The following LIG3 variants were observed in gnomAD, a reference collection of about 807,000 sequenced individuals.
LIG3 encodes the protein ligase II, DNA, ATP-dependent.
In LIG3, 58 loss-of-function variants were observed where a neutral mutation model predicts 110.9. That is an observed-to-expected ratio of 0.52 (90% confidence interval 0.42 to 0.65). The LOEUF is 0.65. Among genes scored for constraint, LIG3 ranks in the 30% least tolerant of loss-of-function variants. The pLI is 0.00. For synonymous variants in LIG3, 422 were observed against 472.8 expected (o/e 0.89, Z 1.39); for missense variants, 1,094 against 1,273.8 (o/e 0.86, Z 2.15).
chr17:34,992,748 G>A, intron 8 of LIG3, 56 bp downstream of exon 8: 1 of 1,488,456 alleles, frequency 6.7e-7, no homozygotes, highest in East Asian at 2.4e-5. Context: ...CACATCCTTT[G>A]GGCTGAGATC....
In LIG3 at chr17:35,002,109, G is replaced by T; in HGVS notation, c.2674+5G>T. On this transcript the variant is annotated splice_donor_5th_base_variant and intron_variant, in intron 18 of 19. Coordinates refer to ENST00000378526, the MANE Select transcript of LIG3 (RefSeq NM_013975.4). ...GTAACTCCAACAGCAAAGATGGTAA[G>T]GATAGGGAGGGGGCTGGTATGGTGA... The T allele has an allele frequency of 6.4e-7, 1 of 1,563,652 alleles. No individual in the cohort carries two copies. The highest frequency in any genetic ancestry group is 8.7e-7 in the Non-Finnish European group (1 of 1,155,400).
intron 8 of LIG3, 112 bp downstream of exon 8, chr17:34,992,804 G>A: frequency 1.8e-6 from 2 of 1,094,928 alleles, no homozygotes; most frequent in Non-Finnish European, 2.5e-6. Context: ...GACTGGAGAA[G>A]TTTAGGGAAG....
At chr17:34,997,662 T>C (rs944044657) in intron 11 of LIG3, 76 bp from the exon 12 acceptor site, 36 of 1,029,834 alleles carry the variant, frequency 3.5e-5, no homozygotes, top group Non-Finnish European at 5.1e-5. Context: ...TTTATCATTG[T>C]GGCCCTTCCT....
At position 35,006,422 on chromosome 17, in the gene LIG3, G is replaced by A. The variant is rs563062611; in HGVS notation, c.*1916G>A. 2.0e-5 allele frequency: 3 copies of A among 152,426 alleles called. No individual in the cohort carries two copies. The highest frequency in any genetic ancestry group is 2.1e-4 in the South Asian group (1 of 4,830). The allele number at this position is 152,426 out of a possible 1,614,324, so 9.4% of individuals were successfully genotyped here. A position where few individuals can be genotyped will look rare whatever the true frequency, so the allele number is the denominator to read the frequency against. ...ATGGCTCTAACCTTAGGCAAGTTACGTTAACATCTAAGCCTCAATCCCTCC... is the reference window on the plus strand; with the variant it reads ...ATGGCTCTAACCTTAGGCAAGTTACATTAACATCTAAGCCTCAATCCCTCC... On this transcript the variant is annotated 3_prime_UTR_variant, in exon 20 of 20. Coordinates refer to ENST00000378526, the MANE Select transcript of LIG3 (RefSeq NM_013975.4).
At position 35,005,807 on chromosome 17, in the gene LIG3, A is replaced by C. The variant is rs2142298009; in HGVS notation, c.*1301A>C. The C allele has an allele frequency of 2.1e-6, 1 of 479,524 alleles. No homozygotes were observed. Among genetic ancestry groups the C allele is most frequent in the Non-Finnish European group, 4.1e-6 (1 of 242,264 alleles). The allele number at this position is 479,524 out of a possible 1,614,324, so 29.7% of individuals were successfully genotyped here. A position where few individuals can be genotyped will look rare whatever the true frequency, so the allele number is the denominator to read the frequency against. ...CTGTCAATGAAGTTCTAAAGGCTGT[A>C]CCAATCCTCCAATATGAAATGTGGG... On this transcript the variant is annotated 3_prime_UTR_variant, in exon 20 of 20. Coordinates refer to ENST00000378526, the MANE Select transcript of LIG3 (RefSeq NM_013975.4).
chr17:35,002,971 C>T (rs2090860372), intron 19 of LIG3, 182 bp downstream of exon 19: 2 of 1,613,976 alleles, frequency 1.2e-6, no homozygotes, highest in Admixed American at 1.7e-5. Flanking sequence ...GCTGCTCACC[C>T]TATGTCCTCT....
chr17:34,989,047 G>C (rs552447229), intron 3 of LIG3, among the ~76,000 whole-genome samples: 2 of 151,354 alleles, frequency 1.3e-5, no homozygotes, highest in Middle Eastern at 3.4e-3. Flanking sequence ...TTACTATGTT[G>C]CCCAGGCTGG....
In LIG3 at chr17:34,980,558, G is replaced by A. The variant is rs757902704; in HGVS notation, c.-69G>A. ...GAGACAGGCGCTCCAACCGTCGTGG[G>A]CTGCCCGCGGCCTGTAATGAGCAAG... On this transcript the variant is annotated 5_prime_UTR_variant, in exon 1 of 20. Coordinates refer to ENST00000378526, the MANE Select transcript of LIG3 (RefSeq NM_013975.4). 5.4e-5 allele frequency: 69 copies of A among 1,287,558 alleles called. No individual in the cohort carries two copies. In the Middle Eastern group the frequency reaches 2.6e-3, roughly 48 times the overall value. 79.8% of individuals were successfully genotyped at this position (1,287,558 alleles called of 1,614,324 possible).
intron 4 of LIG3, 28 bp downstream of exon 4, chr17:34,989,691 T>A (rs2090697621): frequency 3.7e-6 from 6 of 1,609,318 alleles, no homozygotes; most frequent in Non-Finnish European, 5.1e-6. Context: ...TGAATAGGCC[T>A]TTCCTCCGGA....
At position 34,997,828 on chromosome 17, in the gene LIG3, A is replaced by G; in HGVS notation, c.1911+3A>G. 1 of 1,611,122 alleles carries G rather than the reference A, an allele frequency of 6.2e-7. No individual in the cohort carries two copies. On this transcript the variant is annotated splice_donor_region_variant and intron_variant, in intron 12 of 19. Coordinates refer to ENST00000378526, the MANE Select transcript of LIG3 (RefSeq NM_013975.4). ...TCTCAGAAATGAAGCGAGTCACAGTAAGTGAAGACCCTATGCTAGGCAGTG... is the reference window on the plus strand; with the variant it reads ...TCTCAGAAATGAAGCGAGTCACAGTGAGTGAAGACCCTATGCTAGGCAGTG...
chr17:34,996,344 T>G, intron 10 of LIG3, 149 bp downstream of exon 10: 2 of 1,044,576 alleles, frequency 1.9e-6, no homozygotes, highest in Non-Finnish European at 2.7e-6. Context: ...TGGATTTTTG[T>G]CTTTTGTTTT....
chr17:34,992,285 T>C (rs894470278), intron 7 of LIG3, among the ~76,000 whole-genome samples: 2 of 152,278 alleles, frequency 1.3e-5, no homozygotes, highest in Non-Finnish European at 1.5e-5. Flanking sequence ...GAGTATAGTA[T>C]GAGTCTCTTG....
rs773998424 is a variant in LIG3 at position 35,001,250 on chromosome 17, C to G, written c.2332-7C>G. The G allele has an allele frequency of 2.5e-6, 4 of 1,613,148 alleles. No homozygotes were observed. The African/African-American group carries it at 5.3e-5, about 22-fold the overall frequency. On this transcript the variant is annotated splice_region_variant and splice_polypyrimidine_tract_variant and intron_variant, in intron 16 of 19. Transcript: ENST00000378526. ...CCAGTGATGACCTGCTGGCTTACTC[C>G]TGACAGAAAGCTGCCGTGTGGGAGA... is the stretch of plus-strand genomic sequence containing the variant.
intron 19 of LIG3, 154 bp downstream of exon 19, chr17:35,002,943 G>A (rs2090859949): frequency 6.2e-7 from 1 of 1,612,208 alleles, no homozygotes; most frequent in South Asian, 1.1e-5. Context: ...CTCTGTCGTG[G>A]GCAGGGTCAG....
chr17:34,981,745 G>A (rs557555537), intron 1 of LIG3, among the ~76,000 whole-genome samples: 3 of 152,294 alleles, frequency 2.0e-5, no homozygotes, highest in African/African-American at 7.2e-5. Context: ...ATTATAACGT[G>A]ACAGCAATTT....
rs2090923660 is a variant in LIG3, at chr17:35,009,713, T to C, written c.*5207T>C. 1 of 152,236 alleles carries C rather than the reference T, an allele frequency of 6.6e-6. No homozygotes were observed. The highest frequency in any genetic ancestry group is 2.4e-5 in the African/African-American group (1 of 41,452). The allele number at this position is 152,236 out of a possible 1,614,324, so 9.4% of individuals were successfully genotyped here. On this transcript the variant is annotated 3_prime_UTR_variant, in exon 20 of 20. Coordinates refer to ENST00000378526, the MANE Select transcript of LIG3 (RefSeq NM_013975.4). Reference sequence around the variant, plus strand: ...CAGTTTTAATTCTTACTGAGGTTACTAACCAGCTATCAGTATATTATTTTC... The same window carrying C: ...CAGTTTTAATTCTTACTGAGGTTACCAACCAGCTATCAGTATATTATTTTC...
At chr17:35,003,176 G>C in intron 19 of LIG3, 1 of 1,518,246 alleles carries the variant, frequency 6.6e-7, no homozygotes, top group East Asian at 2.5e-5. Context: ...TGGTCAGGGT[G>C]GAAGCAGGTC....
In LIG3 at chr17:34,989,360, G is replaced by A. The variant is rs2090692497; in HGVS notation, c.692-106G>A. The stretch of plus-strand genomic sequence containing the variant: ...TCTACCCCAAAAGTCTATTCGGGGA[G>A]ATTAAATAAAGCTAAATACCAGCAG... On this transcript the variant is annotated intron_variant, in intron 3 of 19. Transcript: ENST00000378526. The A allele has an allele frequency of 1.2e-5, 12 of 1,022,416 alleles. No homozygotes were observed. The South Asian group carries it at 1.9e-4, about 16-fold the overall frequency. The allele number at this position is 1,022,416 out of a possible 1,614,324, so 63.3% of individuals were successfully genotyped here. A position where few individuals can be genotyped will look rare whatever the true frequency, so the allele number is the denominator to read the frequency against.
chr17:34,992,657 C>A lies in LIG3; in HGVS notation c.1420C>A (p.Gln474Lys). 1 of 1,610,594 alleles carries A rather than the reference C, an allele frequency of 6.2e-7. No individual in the cohort carries two copies. Among genetic ancestry groups the A allele is most frequent in the Non-Finnish European group, 8.5e-7 (1 of 1,178,484 alleles). Residue 474 changes from glutamine to lysine, a missense_variant, in exon 8 of 20, where the codon CAG becomes AAG. Gln to Lys is a moderately conservative substitution (Grantham distance 53, BLOSUM62 1). Transcript: ENST00000378526. ...GGGCCAGAGACGAGCTCTGAGCGTC[C>A]AGGCCTCGCTGATGACACCTGTGCA... The part of the protein sequence containing the change: ...EPGQRRALSV[Q>K]ASLMTPVQPM...
Sources: allele counts gnomAD v4.1 joint callset (sites outside exome capture counted in the v4.1 genomes callset), GRCh38; gene constraint gnomAD v4.1.1; transcripts MANE v1.5; gene names NCBI Gene and HGNC (gene_info 2026-07-23, HGNC 2026-07-21).